Variants in SLC25A42 observed in about 807,000 individuals in gnomAD.
SLC25A42 encodes solute carrier family 25 member 42.
In SLC25A42, 19 loss-of-function variants were observed where a neutral mutation model predicts 34.7. That is an observed-to-expected ratio of 0.55 (90% CI 0.38 to 0.80). SLC25A42 has a LOEUF of 0.80. SLC25A42 is among the 30% of genes least tolerant of loss of function. The pLI, the probability that SLC25A42 is intolerant of heterozygous loss-of-function variation, is 0.00. For synonymous variants in SLC25A42, 205 were observed against 191.2 expected, an observed-to-expected ratio of 1.07 and a Z score of -0.59; for missense variants, 364 against 441.3, an observed-to-expected ratio of 0.82 and a Z score of 1.57.
chr19:19,103,689 G>A lies in SLC25A42; in HGVS notation c.188-1224G>A, dbSNP rs187385584. Among the ~76,000 whole-genome samples, 761 of 152,276 alleles carry A rather than the reference G, an allele frequency of 5.0e-3. 9 individuals carry two copies. Among genetic ancestry groups the A allele is most frequent in the Middle Eastern group, 0.02 (6 of 294 alleles). On this transcript the variant is annotated intron_variant, in intron 3 of 7. Transcript: ENST00000318596. ...TAGGGCCCAGAAGCAAGATGGTTAC[G>A]GCCCGGGCCCTCTGCCCCTCAGCTG... is the stretch of plus-strand genomic sequence containing the variant.
At chr19:19,079,543 T>G (rs2059671148) in intron 1 of SLC25A42, among the ~76,000 whole-genome samples, 1 of 152,206 alleles carries the variant, frequency 6.6e-6, no homozygotes, top group Non-Finnish European at 1.5e-5. Flanking sequence ...GCTTCTCTAC[T>G]CAGTATCGTG....
At chr19:19,088,629 A>G (rs934549508) in intron 1 of SLC25A42, among the ~76,000 whole-genome samples, 1 of 151,502 alleles carries the variant, frequency 6.6e-6, no homozygotes, top group African/African-American at 2.4e-5. Flanking sequence ...AGCTGGGATT[A>G]TAGGCATGTG....
At chr19:19,084,583 TG>T (rs1201868974) in intron 1 of SLC25A42, among the ~76,000 whole-genome samples, 2 of 152,220 alleles carry the variant, frequency 1.3e-5, no homozygotes, top group Admixed American at 6.5e-5. Context: ...TATCCATCGA[TG>T]CTCCCCTTTC....
At chr19:19,105,832 C>T in intron 5 of SLC25A42, 105 bp downstream of exon 5, 12 of 1,006,380 alleles carry the variant, frequency 1.2e-5, no homozygotes, top group Non-Finnish European at 1.7e-5. Context: ...TGCCCCTAGC[C>T]CTGCCTTCCC....
rs2059842351 is a variant in SLC25A42, at chr19:19,108,007, G to A, written c.611G>A (p.Ser204Asn). 1 of 1,608,682 alleles carries A rather than the reference G, an allele frequency of 6.2e-7. No homozygotes were observed. Among genetic ancestry groups the A allele is most frequent in the Non-Finnish European group, 8.5e-7 (1 of 1,176,894 alleles). ...VLGVIPYAGL[S>N]FFTYETLKSL... is the part of the protein sequence containing the mutation. ...GGGGTCATTCCCTACGCTGGCCTGA[G>A]CTTCTTCACCTATGAGACGCTCAAG... Residue 204 changes from serine (S) to asparagine (N), a missense_variant, in exon 7 of 8, where the codon AGC (serine) becomes AAC (asparagine). Coordinates refer to ENST00000318596, the MANE Select transcript of SLC25A42 (RefSeq NM_178526.5).
intron 1 of SLC25A42, among the ~76,000 whole-genome samples, chr19:19,068,983 T>C (rs1206845072): frequency 6.7e-6 from 1 of 149,734 alleles, no homozygotes; most frequent in Non-Finnish European, 1.5e-5. Flanking sequence ...CCATGGTTTG[T>C]GCCACTGCAC....
Position 19,081,961 on chromosome 19 carries a change from G to A in SLC25A42, c.-34-14130G>A, listed in dbSNP as rs1167491341. ...CACCTGGTCACTGGTCGCAAGTCTG[G>A]GTACACGTTGTCATGGGAGTGATTG... On this transcript the variant is annotated intron_variant, in intron 1 of 7. Coordinates refer to ENST00000318596, the MANE Select transcript of SLC25A42 (RefSeq NM_178526.5). This position sits in a 1 kb window ranked among gnomAD's most constrained non-coding sequence, Gnocchi z 4.5. Among the ~76,000 whole-genome samples, 3 of 152,136 alleles carry A rather than the reference G, an allele frequency of 2.0e-5. No individual in the cohort carries two copies. The East Asian group carries it at 5.8e-4, about 29-fold the overall frequency.
At position 19,107,949 on chromosome 19, in the gene SLC25A42, ACT is replaced by A. The variant is rs751541908; in HGVS notation, c.558_559del (p.Tyr187ProfsTer22). 1.9e-6 allele frequency: 3 copies of A among 1,612,810 alleles called. No individual in the cohort carries two copies. Among genetic ancestry groups the A allele is most frequent in the African/African-American group, 1.3e-5 (1 of 74,602 alleles). On this transcript the variant is annotated frameshift_variant, in exon 7 of 8. Coordinates refer to ENST00000318596, the MANE Select transcript of SLC25A42 (RefSeq NM_178526.5). LOFTEE classifies it high-confidence loss of function. ...IRISREEGLKTLYHGFMPTVL... is the reference protein window; with the variant it reads ...IRISREEGLKXLYHGFMPTVL... ...CATCTCGAGAGAAGAGGGGCTGAAG[ACT>A]CTCTACCATGGATTTATGCCCACCG...
chr19:19,102,251 C>T (rs939988311), intron 3 of SLC25A42, among the ~76,000 whole-genome samples: 4 of 151,860 alleles, frequency 2.6e-5, no homozygotes, highest in East Asian at 2.0e-4. Flanking sequence ...CCTCGTAATC[C>T]GCCCGCCTCG....
intron 5 of SLC25A42, 82 bp downstream of exon 5, chr19:19,105,809 C>T (rs1448320653): frequency 1.7e-6 from 2 of 1,200,080 alleles, no homozygotes; most frequent in African/African-American, 3.1e-5. Context: ...CCCGCTCCCT[C>T]CTCTTCGTGC....
chr19:19,091,056 C>A (rs925911381), intron 1 of SLC25A42, among the ~76,000 whole-genome samples: 1 of 152,204 alleles, frequency 6.6e-6, no homozygotes. Flanking sequence ...GACTCTTGGG[C>A]CCGTTTCTGC....
intron 1 of SLC25A42, among the ~76,000 whole-genome samples, chr19:19,066,358 C>G (rs1423088742): frequency 1.3e-5 from 2 of 152,064 alleles, no homozygotes; most frequent in African/African-American, 4.8e-5. Context: ...CCCTTTTAAA[C>G]CACTGGTAAA....
Position 19,110,670 on chromosome 19 carries a change from C to T in SLC25A42, c.751C>T (p.Arg251Trp). Residue 251 changes from arginine (R) to tryptophan (W), a missense_variant, in exon 8 of 8, where the codon CGG becomes TGG. By Grantham distance (101) the Arg-to-Trp change is moderately radical. Coordinates refer to ENST00000318596, the MANE Select transcript of SLC25A42 (RefSeq NM_178526.5). ...QSASYPLDVVRRRMQTAGVTG... is the reference protein window; with the variant it reads ...QSASYPLDVVWRRMQTAGVTG... ...GGCCTCGTACCCGCTGGATGTGGTG[C>T]GGCGGCGCATGCAGACGGCCGGCGT... The T allele has an allele frequency of 6.4e-7, 1 of 1,562,790 alleles. No homozygotes were observed. Among genetic ancestry groups the T allele is most frequent in the Non-Finnish European group, 8.7e-7 (1 of 1,154,936 alleles).
rs911849437 is a variant in SLC25A42, at chr19:19,103,549, A to G, written c.188-1364A>G. On this transcript the variant is annotated intron_variant, in intron 3 of 7. Coordinates refer to ENST00000318596, the MANE Select transcript of SLC25A42 (RefSeq NM_178526.5). The stretch of plus-strand genomic sequence containing the variant: ...GGTTAGAACTCAGACATAGCTTTTC[A>G]GAGGACAGAAATTAAACCCTCAACA... 2.6e-5 allele frequency among the ~76,000 whole-genome samples: 4 copies of G among 152,228 alleles called. No individual in the cohort carries two copies. The East Asian group carries it at 5.8e-4, about 22-fold the overall frequency.
intron 1 of SLC25A42, among the ~76,000 whole-genome samples, chr19:19,074,673 CTGTG>C (rs373212309): frequency 6.6e-6 from 1 of 151,688 alleles, no homozygotes; most frequent in South Asian, 2.1e-4. Context: ...GCATATGAGT[CTGTG>C]TGTGTGTGAC....
Position 19,112,472 on chromosome 19 carries a change from G to C in SLC25A42, c.*1596G>C, listed in dbSNP as rs2059871184. 1 of 152,450 alleles carries C rather than the reference G, an allele frequency of 6.6e-6. No homozygotes were observed. The highest frequency in any genetic ancestry group is 2.4e-5 in the African/African-American group (1 of 41,456). The allele number at this position is 152,450 out of a possible 1,614,324, so 9.4% of individuals were successfully genotyped here. Reference sequence around the variant, plus strand: ...CACTTAAACTTGGCAGGAGAGGCAGGGCAACCCTCACAGGGAGATGGGAGG... The same window carrying C: ...CACTTAAACTTGGCAGGAGAGGCAGCGCAACCCTCACAGGGAGATGGGAGG... On this transcript the variant is annotated 3_prime_UTR_variant, in exon 8 of 8. Coordinates refer to ENST00000318596, the MANE Select transcript of SLC25A42 (RefSeq NM_178526.5). The surrounding 1 kb of genome is among the most constrained non-coding windows in gnomAD (Gnocchi z 4.3).
chr19:19,089,848 G>A (rs1312307328), intron 1 of SLC25A42, among the ~76,000 whole-genome samples: 2 of 143,824 alleles, frequency 1.4e-5, no homozygotes, highest in Non-Finnish European at 3.1e-5. Flanking sequence ...CAGCCTGGGT[G>A]ACAGAGCGAG....
At chr19:19,064,517 C>G (rs1019806666) in intron 1 of SLC25A42, among the ~76,000 whole-genome samples, 1 of 148,296 alleles carries the variant, frequency 6.7e-6, no homozygotes, top group Non-Finnish European at 1.5e-5. Flanking sequence ...CCCCCACACC[C>G]ACACCTGAGC....
intron 2 of SLC25A42, among the ~76,000 whole-genome samples, chr19:19,097,392 C>T (rs967404015): frequency 3.3e-5 from 5 of 152,236 alleles, no homozygotes; most frequent in Non-Finnish European, 2.9e-5. Context: ...AGTGAAGGTC[C>T]CAACAGAGCT....
Sources: allele counts gnomAD v4.1 joint callset (sites outside exome capture counted in the v4.1 genomes callset), GRCh38; gene constraint gnomAD v4.1.1; non-coding constraint Gnocchi (gnomAD v3.1); transcripts MANE v1.5; gene names NCBI Gene and HGNC (gene_info 2026-07-23, HGNC 2026-07-21).